STYXL2: variants seen among roughly 807,000 people sequenced by gnomAD.
STYXL2 encodes the protein serine/threonine/tyrosine interacting like 2.
A neutral mutation model predicts 52.4 loss-of-function variants in STYXL2; 44 were observed. That is an observed-to-expected ratio of 0.84 (90% confidence interval 0.66 to 1.08). The LOEUF (loss-of-function observed/expected upper bound fraction) is 1.08. STYXL2 is among the 50% of genes least tolerant of loss of function. STYXL2 has a pLI of 0.00. For missense variants in STYXL2, 1,604 were observed against 1,471.7 expected (o/e 1.09, Z -1.47); for synonymous variants, 604 against 586.9 (o/e 1.03, Z -0.42).
rs1668017122 is a variant in STYXL2 at position 167,128,171 on chromosome 1, G to A, written c.3040G>A (p.Glu1014Lys). 2 of 1,614,222 alleles carry A rather than the reference G, an allele frequency of 1.2e-6. No individual in the cohort carries two copies. The highest frequency in any genetic ancestry group is 1.1e-5 in the South Asian group (1 of 91,084). The change falls in exon 6 of 6, where the codon GAG (glutamate) becomes AAG (lysine). Residue 1014 changes from glutamate to lysine, a missense_variant. Coordinates refer to ENST00000361200, the MANE Select transcript of STYXL2 (RefSeq NM_001080426.3). ...ACGGTTCTCATCTTCCTCCACCAGG[G>A]AGGGCAGAGAGATGCACAAGTTCTC... ...TSRFSSSSTR[E>K]GREMHKFSRS...
chr1:167,127,055 T>A lies in STYXL2; in HGVS notation c.1924T>A (p.Ser642Thr). The change falls in exon 6 of 6, where the codon TCT (serine) becomes ACT (threonine). Residue 642 changes from serine to threonine, a missense_variant. By Grantham distance (58) the Ser-to-Thr change is moderately conservative. Coordinates refer to ENST00000361200, the MANE Select transcript of STYXL2 (RefSeq NM_001080426.3). ...RSRQTLEESQ[S>T]MASWEADSST... ...CCGGCAGACGCTGGAGGAGAGCCAG[T>A]CTATGGCAAGCTGGGAGGCGGACAG... The A allele has an allele frequency of 6.2e-7, 1 of 1,611,538 alleles. No homozygotes were observed. Among genetic ancestry groups the A allele is most frequent in the Non-Finnish European group, 8.5e-7 (1 of 1,178,470 alleles).
At chr1:167,098,289 G>C (rs961981526) in intron 2 of STYXL2, among the ~76,000 whole-genome samples, 1 of 152,032 alleles carries the variant, frequency 6.6e-6, no homozygotes, top group Non-Finnish European at 1.5e-5. Flanking sequence ...GATTACAGAT[G>C]TGAGCCACCA....
At position 167,128,067 on chromosome 1, in the gene STYXL2, A is replaced by G. The variant is rs993042505; in HGVS notation, c.2936A>G (p.Lys979Arg). 4 of 1,614,066 alleles carry G rather than the reference A, an allele frequency of 2.5e-6. No individual in the cohort carries two copies. Among genetic ancestry groups the G allele is most frequent in the Non-Finnish European group, 3.4e-6 (4 of 1,180,042 alleles). The change falls in exon 6 of 6, where the codon AAG (lysine) becomes AGG (arginine). Residue 979 changes from lysine to arginine, a missense_variant. Coordinates refer to ENST00000361200, the MANE Select transcript of STYXL2 (RefSeq NM_001080426.3). ...ACAGAGTCTAAATCCTCCAGTTACA[A>G]GTTTTCCAAATCCCAGTCAGAGGAA... ...RETESKSSSY[K>R]FSKSQSEEQD...
At chr1:167,117,698 C>A in intron 4 of STYXL2, 139 bp downstream of exon 4, 1 of 726,082 alleles carries the variant, frequency 1.4e-6, no homozygotes, top group Non-Finnish European at 2.2e-6. Context: ...CTTACCCTGC[C>A]CCAGCCCAGA....
intron 5 of STYXL2, among the ~76,000 whole-genome samples, chr1:167,120,826 TTACATATATATATATA>T (rs1667836852): frequency 1.6e-5 from 1 of 62,024 alleles, no homozygotes; most frequent in African/African-American, 5.3e-5. Context: ...TGCGTGTAAA[TTACATATATATATATA>T]TATATATATA....
In STYXL2 at chr1:167,126,688, T is replaced by G; in HGVS notation, c.1557T>G (p.Asp519Glu). The G allele has an allele frequency of 2.5e-6, 4 of 1,614,068 alleles. No homozygotes were observed. Among genetic ancestry groups the G allele is most frequent in the Non-Finnish European group, 3.4e-6 (4 of 1,179,984 alleles). Reference sequence around the variant, plus strand: ...CAGGGAGCAGGGTGCGGGAGGATGATGAGGACAGCGTGGGCTCTGAGGCCA... The same window carrying G: ...CAGGGAGCAGGGTGCGGGAGGATGAGGAGGACAGCGTGGGCTCTGAGGCCA... ...SEAGSRVRED[D>E]EDSVGSEASS... is the part of the protein sequence containing the mutation. The change falls in exon 6 of 6, where the codon GAT (aspartate) becomes GAG (glutamate). Residue 519 changes from aspartate to glutamate, a missense_variant. Transcript: ENST00000361200.
chr1:167,097,108 C>T (rs1667302121), intron 2 of STYXL2, among the ~76,000 whole-genome samples: 1 of 152,192 alleles, frequency 6.6e-6, no homozygotes, highest in Non-Finnish European at 1.5e-5. Context: ...GAGAGAAATA[C>T]CCTTGTCTAT....
chr1:167,116,285 G>A (rs1009565658), intron 3 of STYXL2, among the ~76,000 whole-genome samples: 4 of 152,188 alleles, frequency 2.6e-5, no homozygotes, highest in Non-Finnish European at 4.4e-5. Flanking sequence ...CCCCAGATGT[G>A]AGTGAATTGG....
intron 2 of STYXL2, among the ~76,000 whole-genome samples, chr1:167,104,167 TC>T (rs1417978247): frequency 6.7e-6 from 1 of 149,222 alleles, no homozygotes; most frequent in Non-Finnish European, 1.5e-5. Context: ...CCTCTGCCCG[TC>T]CCCCCACCCC....
chr1:167,117,260 C>A, intron 3 of STYXL2, 68 bp from the exon 4 acceptor site: 1 of 1,381,386 alleles, frequency 7.2e-7, no homozygotes. Context: ...AGAGCATGTT[C>A]TCCCCAGGAA....
intron 5 of STYXL2, among the ~76,000 whole-genome samples, chr1:167,120,686 T>G (rs1667833328): frequency 3.3e-5 from 5 of 151,876 alleles, no homozygotes; most frequent in Admixed American, 3.3e-4. Flanking sequence ...GCTGCTGGAG[T>G]GCTCACTATA....
intron 2 of STYXL2, among the ~76,000 whole-genome samples, chr1:167,101,967 C>T (rs574199247): frequency 6.4e-4 from 97 of 151,950 alleles, no homozygotes; most frequent in Admixed American, 7.9e-4. Flanking sequence ...TATACAGCAA[C>T]GAAAAGAAAT....
chr1:167,122,374 T>TA (rs1418862999), intron 5 of STYXL2, among the ~76,000 whole-genome samples: 1 of 152,138 alleles, frequency 6.6e-6, no homozygotes, highest in Non-Finnish European at 1.5e-5. Context: ...GGCCTGACAT[T>TA]AAACTAGCTA....
Position 167,122,662 on chromosome 1 carries a change from AT to A in STYXL2, c.656-3116del, listed in dbSNP as rs758970225. On this transcript the variant is annotated intron_variant, in intron 5 of 5. Coordinates refer to ENST00000361200, the MANE Select transcript of STYXL2 (RefSeq NM_001080426.3). ...CAGTAGCTGTACTCTTAAAAAAAAA[AT>A]TTTTTTTTGAAGGTCCTTTTTTTGA... 1.5e-3 allele frequency among the ~76,000 whole-genome samples: 222 copies of A among 150,828 alleles called. 2 individuals carry two copies. The highest frequency in any genetic ancestry group is 4.8e-3 in the African/African-American group (195 of 40,970).
intron 2 of STYXL2, among the ~76,000 whole-genome samples, chr1:167,100,352 C>T (rs952656044): frequency 6.6e-6 from 1 of 152,158 alleles, no homozygotes; most frequent in African/African-American, 2.4e-5. Flanking sequence ...GAGGACAAAC[C>T]ATAGAATTGC....
chr1:167,113,977 G>A (rs1667672367), intron 3 of STYXL2, among the ~76,000 whole-genome samples, 173 bp downstream of exon 3: 1 of 152,182 alleles, frequency 6.6e-6, no homozygotes, highest in South Asian at 2.1e-4. Context: ...TTGATAGGAT[G>A]GAAGTGGAAA....
At chr1:167,120,902 G>C (rs1039504156) in intron 5 of STYXL2, among the ~76,000 whole-genome samples, 2 of 78,026 alleles carry the variant, frequency 2.6e-5, no homozygotes, top group Admixed American at 1.3e-4. Flanking sequence ...AGAGAGAGAG[G>C]TATGTATGTG....
At chr1:167,121,502 C>T (rs1057391621) in intron 5 of STYXL2, among the ~76,000 whole-genome samples, 1 of 152,264 alleles carries the variant, frequency 6.6e-6, no homozygotes, top group Non-Finnish European at 1.5e-5. Context: ...GCCGGCGGTC[C>T]CCCGCAGCAT....
rs773454840 is a variant in STYXL2, at chr1:167,125,893, C to T, written c.762C>T (p.Thr254=). ...TGGCCATCCTGGAGGCTTTGATGAC[C>T]GTGCGTAAGAAGCGGGCCATCTACC... ...HNMAILEALM[T]VRKKRAIYPN... Residue 254 remains threonine, a synonymous_variant, in exon 6 of 6, where the codon ACC becomes ACT. Transcript: ENST00000361200. The T allele has an allele frequency of 9.3e-6, 15 of 1,613,956 alleles. No homozygotes were observed. Among genetic ancestry groups the T allele is most frequent in the South Asian group, 6.6e-5 (6 of 91,078 alleles).
Sources: allele counts gnomAD v4.1 joint callset (sites outside exome capture counted in the v4.1 genomes callset), GRCh38; gene constraint gnomAD v4.1.1; transcripts MANE v1.5; gene names NCBI Gene and HGNC (gene_info 2026-07-23, HGNC 2026-07-21).